Variants in LAMB1 observed in about 807,000 individuals in gnomAD.
LAMB1 encodes laminin subunit beta 1.
A neutral mutation model predicts 222.3 loss-of-function variants in LAMB1; 121 were observed. That is an observed-to-expected ratio of 0.54 (90% CI 0.47 to 0.63). The LOEUF (loss-of-function observed/expected upper bound fraction) is 0.63, where lower values mean the gene tolerates loss of function less well. Ranked by LOEUF, LAMB1 falls within the 30% of genes least tolerant of loss-of-function variation. The probability of loss-of-function intolerance (pLI) is 0.00; values close to 1 mark genes in which losing one functional copy is unlikely to be tolerated. For synonymous variants in LAMB1, 794 were observed against 807.2 expected (o/e 0.98, Z 0.28); for missense variants, 2,172 against 2,240.8 (o/e 0.97, Z 0.62).
rs181371126 is a variant in LAMB1, at chr7:107,970,170, G to A, written c.1562+2822C>T. 4.7e-4 allele frequency among the ~76,000 whole-genome samples: 71 copies of A among 152,182 alleles called. 2 individuals are homozygous for A. In the East Asian group the frequency reaches 0.01, roughly 22 times the overall value. On this transcript the variant is annotated intron_variant, in intron 13 of 33. Coordinates refer to ENST00000222399, the MANE Select transcript of LAMB1 (RefSeq NM_002291.3). ...GAAGCAATGCATCAAGGGAGGGTTC[G>A]GGGCTTCACCACGGTGAGTTCAAAA... is the stretch of plus-strand genomic sequence containing the variant.
intron 13 of LAMB1, among the ~76,000 whole-genome samples, chr7:107,965,962 GGGGC>G (rs1468193695): frequency 2.0e-5 from 3 of 151,842 alleles, no homozygotes; most frequent in Non-Finnish European, 4.4e-5. Context: ...GCCAGGTGTA[GGGGC>G]ACACACCTGT....
In LAMB1 at chr7:107,955,470, T is replaced by C; in HGVS notation, c.2851A>G (p.Ile951Val). ...CCAAAGTATGCACACGACTTACCAATGTATCCAGGATCACAAACACAGGCA... is the reference window on the plus strand; with the variant it reads ...CCAAAGTATGCACACGACTTACCAACGTATCCAGGATCACAAACACAGGCA... ...QLACVCDPGY[I>V]GSRCDDCASG... Residue 951 changes from isoleucine (I) to valine (V), a missense_variant, in exon 21 of 34, where the codon ATT (isoleucine) becomes GTT (valine). By Grantham distance (29) the Ile-to-Val change is conservative. Coordinates refer to ENST00000222399, the MANE Select transcript of LAMB1 (RefSeq NM_002291.3). 1 of 1,612,894 alleles carries C rather than the reference T, an allele frequency of 6.2e-7. No individual in the cohort carries two copies. Among genetic ancestry groups the C allele is most frequent in the Non-Finnish European group, 8.5e-7 (1 of 1,179,340 alleles).
At chr7:107,938,584 G>A (rs1442858694) in intron 25 of LAMB1, among the ~76,000 whole-genome samples, 1 of 152,164 alleles carries the variant, frequency 6.6e-6, no homozygotes, top group Non-Finnish European at 1.5e-5. Flanking sequence ...TAGAAACAGA[G>A]CTGTTTTGGG....
intron 20 of LAMB1, among the ~76,000 whole-genome samples, chr7:107,956,953 T>C (rs756212389): frequency 1.1e-4 from 16 of 152,244 alleles, no homozygotes; most frequent in Non-Finnish European, 2.1e-4. Flanking sequence ...TTTGGGGTCC[T>C]TAAAGCAATA....
intron 14 of LAMB1, 128 bp downstream of exon 14, chr7:107,964,424 G>C: frequency 9.1e-7 from 1 of 1,099,872 alleles, no homozygotes; most frequent in Middle Eastern, 2.1e-4. Context: ...GCATGGTCCT[G>C]ATCCTTATTT....
chr7:107,958,898 G>C (rs750595057), intron 20 of LAMB1, among the ~76,000 whole-genome samples: 4 of 152,056 alleles, frequency 2.6e-5, no homozygotes, highest in African/African-American at 9.7e-5. Flanking sequence ...TTCTCCTTTC[G>C]CCTAAATTAG....
At chr7:107,942,847 A>G (rs2033023378) in intron 24 of LAMB1, 1 of 152,224 alleles carries the variant, frequency 6.6e-6, no homozygotes, top group African/African-American at 2.4e-5. Flanking sequence ...ATGTTTATTT[A>G]TATGTATTTG....
At chr7:107,958,035 G>C (rs1305635974) in intron 20 of LAMB1, among the ~76,000 whole-genome samples, 2 of 152,144 alleles carry the variant, frequency 1.3e-5, no homozygotes, top group Non-Finnish European at 2.9e-5. Flanking sequence ...AATCAGCATT[G>C]TGGCAGCTCC....
At chr7:107,960,933 A>T (rs2033484210) in intron 17 of LAMB1, among the ~76,000 whole-genome samples, 1 of 152,158 alleles carries the variant, frequency 6.6e-6, no homozygotes, top group South Asian at 2.1e-4. Context: ...GCCTCAAATG[A>T]TCCTCCTGCC....
At position 107,975,411 on chromosome 7, in the gene LAMB1, A is replaced by G; in HGVS notation, c.1192T>C (p.Cys398Arg). 6.2e-7 allele frequency: 1 copy of G among 1,607,204 alleles called. No individual in the cohort carries two copies. The highest frequency in any genetic ancestry group is 8.5e-7 in the Non-Finnish European group (1 of 1,177,194). ...TGAGAGCCAGCTGGGTCACACGTAC[A>G]TCCTGAGAAGAATGCAAAGCACCAG... ...DIRDPNFCER[C>R]TCDPAGSQNE... Residue 398 changes from cysteine (C) to arginine (R), a missense_variant and splice_region_variant, in exon 11 of 34, where the codon TGT (cysteine) becomes CGT (arginine). By Grantham distance (180) the Cys-to-Arg change is radical (BLOSUM62 -3). Transcript: ENST00000222399.
intron 30 of LAMB1, 22 bp downstream of exon 30, chr7:107,929,390 T>TAG (rs997380800): frequency 1.2e-6 from 2 of 1,602,648 alleles, no homozygotes; most frequent in Non-Finnish European, 1.7e-6. Context: ...ATAAGCCCCT[T>TAG]AGATGCCATG....
At chr7:107,929,694 A>T in intron 29 of LAMB1, 75 bp from the exon 30 acceptor site, 1 of 1,179,612 alleles carries the variant, frequency 8.5e-7, no homozygotes, top group Non-Finnish European at 1.2e-6. Context: ...CTTACTGGTC[A>T]TCTACTATGG....
intron 29 of LAMB1, 60 bp downstream of exon 29, chr7:107,931,296 A>C (rs937732605): frequency 6.8e-7 from 1 of 1,461,202 alleles, no homozygotes; most frequent in Non-Finnish European, 9.5e-7. Flanking sequence ...TTTATCTAAA[A>C]TGTAAACAGA....
intron 2 of LAMB1, among the ~76,000 whole-genome samples, 192 bp downstream of exon 2, chr7:108,002,657 G>C (rs185416615): frequency 7.7e-4 from 117 of 152,338 alleles, no homozygotes; most frequent in African/African-American, 2.7e-3. Flanking sequence ...ATGAGGGTCC[G>C]CGGCGCTCCG....
chr7:107,984,887 T>C (rs1475354134), intron 7 of LAMB1, among the ~76,000 whole-genome samples: 1 of 152,222 alleles, frequency 6.6e-6, no homozygotes, highest in Non-Finnish European at 1.5e-5. Context: ...AAAAGAATTA[T>C]TTATTTGCAA....
chr7:107,979,423 G>A (rs967522082), intron 8 of LAMB1, among the ~76,000 whole-genome samples: 1 of 152,192 alleles, frequency 6.6e-6, no homozygotes, highest in Non-Finnish European at 1.5e-5. Context: ...CAGCTTAGGG[G>A]AAGGAACCCT....
At chr7:107,993,834 G>A (rs2034232099) in intron 5 of LAMB1, among the ~76,000 whole-genome samples, 1 of 152,158 alleles carries the variant, frequency 6.6e-6, no homozygotes, top group Non-Finnish European at 1.5e-5. Context: ...AATACCAGGT[G>A]TCACAGTCAC....
rs762927171 is a variant in LAMB1 at position 107,959,687 on chromosome 7, C to A, written c.2458+4G>T. ...ATGCATAACAATGCTTTTGAGGAAC[C>A]TACGTTTGCATCCACTGGGGCCAAA... On this transcript the variant is annotated splice_donor_region_variant and intron_variant, in intron 19 of 33. Transcript: ENST00000222399. The A allele has an allele frequency of 1.9e-6, 3 of 1,614,222 alleles. No homozygotes were observed. Among genetic ancestry groups the A allele is most frequent in the Admixed American group, 3.3e-5 (2 of 60,018 alleles).
intron 21 of LAMB1, among the ~76,000 whole-genome samples, chr7:107,954,396 C>T (rs1259570704): frequency 6.7e-6 from 1 of 150,326 alleles, no homozygotes; most frequent in Non-Finnish European, 1.5e-5. Context: ...TCTCTTACTC[C>T]TGGGCTCAAG....
Sources: gnomAD v4.1 joint callset for allele counts (sites outside exome capture counted in the v4.1 genomes callset) on GRCh38, gnomAD v4.1.1 for gene constraint, MANE v1.5 for transcripts, NCBI Gene and HGNC (gene_info 2026-07-23, HGNC 2026-07-21) for gene names.